CBR3: variants seen among roughly 807,000 people sequenced by gnomAD.
CBR3 encodes the protein carbonyl reductase 3, also known as carbonyl reductase [NADPH] 3.
CBR3 carries 14 observed loss-of-function variants against 11.6 expected under a neutral mutation model. The ratio of observed to expected loss-of-function variants is 1.20; its 90% CI spans 0.79 to 1.88. The LOEUF is 1.88. CBR3 is among the 40% of genes most tolerant of loss of function. CBR3 has a pLI of 0.00. For synonymous variants in CBR3, 125 were observed against 145.6 expected, an observed-to-expected ratio of 0.86 and a Z score of 1.02; for missense variants, 308 against 357.3, an observed-to-expected ratio of 0.86 and a Z score of 1.11.
chr21:36,135,578 G>A lies in CBR3; in HGVS notation c.289+97G>A, dbSNP rs568157218. 2.4e-6 allele frequency: 3 copies of A among 1,229,648 alleles called. No individual in the cohort carries two copies. The African/African-American group carries it at 4.6e-5, about 19-fold the overall frequency. 76.2% of individuals were successfully genotyped at this position (1,229,648 alleles called of 1,614,324 possible). ...CCACCCGTCCACTTGAGTGACCGAG[G>A]AGGGTGGCGCCGACCCCTAGGGATG... On this transcript the variant is annotated intron_variant, in intron 1 of 2. Coordinates refer to ENST00000290354, the MANE Select transcript of CBR3 (RefSeq NM_001236.4).
chr21:36,139,371 G>C (rs1014937497), intron 2 of CBR3, among the ~76,000 whole-genome samples: 2 of 143,972 alleles, frequency 1.4e-5, no homozygotes, highest in South Asian at 2.2e-4. Context: ...TTAAAAATGT[G>C]CTTGCTTTTT....
intron 1 of CBR3, 93 bp from the exon 2 acceptor site, chr21:36,137,732 T>G (rs907982882): frequency 1.4e-6 from 1 of 728,496 alleles, no homozygotes. Context: ...AACTTGTTTT[T>G]CCTTTAGTTG....
chr21:36,141,933 T>A, intron 2 of CBR3: 1 of 984,530 alleles, frequency 1.0e-6, no homozygotes, highest in Non-Finnish European at 1.2e-6. Context: ...GCCGCCAAGT[T>A]TCTGAGAACA....
At position 36,146,423 on chromosome 21, in the gene CBR3, G is replaced by GA. The variant is rs748408997; in HGVS notation, c.746dup (p.Thr250AspfsTer14). The GA allele has an allele frequency of 6.2e-7, 1 of 1,614,084 alleles. No individual in the cohort carries two copies. The highest frequency in any genetic ancestry group is 8.5e-7 in the Non-Finnish European group (1 of 1,179,912). On this transcript the variant is annotated frameshift_variant, in exon 3 of 3. Transcript: ENST00000290354. LOFTEE classifies it high-confidence loss of function. ...CATCAGGACTGTGGAGGAGGGGGCT[G>GA]AGACCCCTGTCTACTTGGCCCTCTT...
intron 2 of CBR3, 116 bp downstream of exon 2, chr21:36,138,048 G>A (rs1055778472): frequency 9.5e-6 from 6 of 633,656 alleles, no homozygotes; most frequent in South Asian, 2.0e-5. Context: ...CTCTGAAGGG[G>A]GAAAAATAGA....
chr21:36,135,102 T>C lies in CBR3; in HGVS notation c.-91T>C, dbSNP rs903869374. ...CCAGAACTTAGTCTGCGCGGCGGCA[T>C]TGACACTAGCTGGGCTCCTCGGGGC... is the stretch of plus-strand genomic sequence containing the variant. On this transcript the variant is annotated 5_prime_UTR_variant, in exon 1 of 3. Transcript: ENST00000290354. 4.6e-5 allele frequency: 58 copies of C among 1,264,254 alleles called. No individual in the cohort carries two copies. The Admixed American group carries it at 9.8e-4, about 21-fold the overall frequency. 78.3% of individuals were successfully genotyped at this position (1,264,254 alleles called of 1,614,324 possible). A position where few individuals can be genotyped will look rare whatever the true frequency, so the allele number is the denominator to read the frequency against.
chr21:36,146,032 G>A (rs753867521), intron 2 of CBR3, 44 bp from the exon 3 acceptor site: 3 of 1,196,814 alleles, frequency 2.5e-6, no homozygotes, highest in East Asian at 2.5e-5. Context: ...ACCAGTGGTT[G>A]TACCTCTGTG....
chr21:36,139,041 G>A (rs900656054), intron 2 of CBR3, among the ~76,000 whole-genome samples: 4 of 151,996 alleles, frequency 2.6e-5, no homozygotes, highest in African/African-American at 7.3e-5. Flanking sequence ...CACCATGCCC[G>A]AACGAGAAAT....
intron 2 of CBR3, among the ~76,000 whole-genome samples, chr21:36,143,060 T>C (rs2065725788): frequency 6.6e-6 from 1 of 152,110 alleles, no homozygotes; most frequent in Admixed American, 6.6e-5. Flanking sequence ...ACCCCAGCAC[T>C]TTGGGAGGCC....
intron 2 of CBR3, among the ~76,000 whole-genome samples, chr21:36,139,796 C>G (rs1402334941): frequency 6.6e-6 from 1 of 151,846 alleles, no homozygotes; most frequent in Non-Finnish European, 1.5e-5. Context: ...TCACTTGAGC[C>G]CACGAGTTTA....
rs750856963 is a variant in CBR3, at chr21:36,146,296, G to A, written c.618G>A (p.Arg206=). 1 of 1,614,188 alleles carries A rather than the reference G, an allele frequency of 6.2e-7. No individual in the cohort carries two copies. Among genetic ancestry groups the A allele is most frequent in the East Asian group, 2.2e-5 (1 of 44,882 alleles). ...VSKLGVTVLS[R]ILARRLDEKR... is the part of the protein sequence containing the mutation. ...AGTTGGGGGTCACGGTCTTATCGAG[G>A]ATCCTGGCCAGGCGTCTGGATGAGA... The change falls in exon 3 of 3, where the codon AGG becomes AGA. Residue 206 remains arginine, a synonymous_variant. Transcript: ENST00000290354.
intron 2 of CBR3, among the ~76,000 whole-genome samples, chr21:36,143,893 A>C (rs2065734121): frequency 6.6e-6 from 1 of 151,780 alleles, no homozygotes; most frequent in African/African-American, 2.4e-5. Context: ...AAAAAAAAAA[A>C]AAAAAAAGTG....
chr21:36,137,538 GGAAGGAAGGAAGGA>G (rs2065670355), intron 1 of CBR3: 5 of 157,862 alleles, frequency 3.2e-5, no homozygotes, highest in Admixed American at 1.7e-4. Context: ...AAGGAAGGAA[GGAAGGAAGGAAGGA>G]AGGAAGGAAA....
chr21:36,136,610 G>A (rs1159944811), intron 1 of CBR3, among the ~76,000 whole-genome samples: 1 of 152,070 alleles, frequency 6.6e-6, no homozygotes, highest in African/African-American at 2.4e-5. Context: ...CGGCTTCCTG[G>A]ACGACAGGCG....
chr21:36,139,905 T>TTTA (rs2065695681), intron 2 of CBR3, among the ~76,000 whole-genome samples: 1 of 145,086 alleles, frequency 6.9e-6, no homozygotes, highest in African/African-American at 2.6e-5. Context: ...TTTTTTTTTC[T>TTTA]GAGACAGAGT....
intron 1 of CBR3, among the ~76,000 whole-genome samples, chr21:36,136,107 T>G (rs1260075626): frequency 6.6e-6 from 1 of 152,142 alleles, no homozygotes; most frequent in African/African-American, 2.4e-5. Context: ...TAAAAGCATC[T>G]TCCTTAAGGA....
At chr21:36,142,431 C>CAAAAAAAA (rs71326645) in intron 2 of CBR3, among the ~76,000 whole-genome samples, 4 of 40,418 alleles carry the variant, frequency 9.9e-5, no homozygotes, top group Admixed American at 3.9e-4. Flanking sequence ...GACTCCATCT[C>CAAAAAAAA]AAAAAAAAAA....
chr21:36,143,477 A>G (rs1183019008), intron 2 of CBR3, among the ~76,000 whole-genome samples: 2 of 152,132 alleles, frequency 1.3e-5, no homozygotes, highest in Admixed American at 6.5e-5. Context: ...TGGCCTACAT[A>G]TTTGTTTCTA....
rs881711 is a variant in CBR3 at position 36,135,447 on chromosome 21, C to G, written c.255C>G (p.Asn85Lys). The G allele has an allele frequency of 6.2e-7, 1 of 1,613,134 alleles. No individual in the cohort carries two copies. Among genetic ancestry groups the G allele is most frequent in the Non-Finnish European group, 8.5e-7 (1 of 1,179,566 alleles). ...DFLRKEYGGL[N>K]VLVNNAAVAF... ...TGCGCAAGGAGTACGGGGGGCTCAA[C>G]GTACTGGTCAACAACGCGGCCGTCG... Residue 85 changes from asparagine (N) to lysine (K), a missense_variant, in exon 1 of 3, where the codon AAC becomes AAG. Coordinates refer to ENST00000290354, the MANE Select transcript of CBR3 (RefSeq NM_001236.4).
Sources: gnomAD v4.1 joint callset for allele counts (sites outside exome capture counted in the v4.1 genomes callset) on GRCh38, gnomAD v4.1.1 for gene constraint, MANE v1.5 for transcripts, NCBI Gene and HGNC (gene_info 2026-07-23, HGNC 2026-07-21) for gene names.